Variants in CDYL2 observed in about 807,000 individuals in gnomAD.
CDYL2 encodes the protein chromodomain Y-like protein 2.
Under a neutral mutation model 49.4 loss-of-function variants are expected in CDYL2, and 23 were observed. That is an observed-to-expected ratio of 0.47 (90% CI 0.34 to 0.66). The LOEUF is 0.66. Ranked by LOEUF, CDYL2 falls within the 30% of genes least tolerant of loss-of-function variation. CDYL2 has a pLI of 0.01. For synonymous variants in CDYL2, 360 were observed against 268.8 expected (o/e 1.34, Z -3.32); for missense variants, 678 against 656.4 (o/e 1.03, Z -0.36).
At chr16:80,649,800 G>T (rs1408798380) in intron 2 of CDYL2, among the ~76,000 whole-genome samples, 1 of 152,090 alleles carries the variant, frequency 6.6e-6, no homozygotes, top group Admixed American at 6.6e-5. Context: ...AGAGAACCCA[G>T]AAACAAATCC....
intron 2 of CDYL2, among the ~76,000 whole-genome samples, chr16:80,645,082 G>A (rs1169848808): frequency 3.3e-5 from 5 of 152,090 alleles, no homozygotes; most frequent in Non-Finnish European, 5.9e-5. Flanking sequence ...GGCATGGACA[G>A]GGACTTCATG....
At chr16:80,757,118 T>C (rs1906337820) in intron 1 of CDYL2, among the ~76,000 whole-genome samples, 1 of 152,136 alleles carries the variant, frequency 6.6e-6, no homozygotes, top group Admixed American at 6.6e-5. Flanking sequence ...AGAGCTTCAA[T>C]TACCAGGACA....
In CDYL2 at chr16:80,706,555, C is replaced by T. The variant is rs189645372; in HGVS notation, c.25-21426G>A. Among the ~76,000 whole-genome samples the T allele has an allele frequency of 5.3e-5, 8 of 152,344 alleles. No individual in the cohort carries two copies. The East Asian group carries it at 1.3e-3, about 26-fold the overall frequency. On this transcript the variant is annotated intron_variant, in intron 1 of 6. Coordinates refer to ENST00000570137, the MANE Select transcript of CDYL2 (RefSeq NM_152342.4). The stretch of plus-strand genomic sequence containing the variant: ...GTTTGGAAGGAATTCATGACTGAGG[C>T]TGGCTTCTGGTAAACAATTATCACT...
chr16:80,759,150 A>ATATATATATATAT (rs1211358459), intron 1 of CDYL2, among the ~76,000 whole-genome samples: 5 of 80,836 alleles, frequency 6.2e-5, no homozygotes, highest in African/African-American at 2.5e-4. Flanking sequence ...GGTTTATATA[A>ATATATATATATAT]ATATATGGTT....
At chr16:80,773,324 A>AT (rs1185622093) in intron 1 of CDYL2, among the ~76,000 whole-genome samples, 6 of 152,198 alleles carry the variant, frequency 3.9e-5, no homozygotes, top group Non-Finnish European at 8.8e-5. Context: ...CTATACCAAA[A>AT]TACAAAATGT....
chr16:80,771,637 C>T (rs1356040534), intron 1 of CDYL2, among the ~76,000 whole-genome samples: 2 of 151,984 alleles, frequency 1.3e-5, no homozygotes, highest in Non-Finnish European at 2.9e-5. Context: ...CGCAGAAAAT[C>T]GCTTGAATCC....
chr16:80,678,857 C>G (rs1163785220), intron 2 of CDYL2, among the ~76,000 whole-genome samples: 1 of 151,116 alleles, frequency 6.6e-6, no homozygotes, highest in East Asian at 1.9e-4. Context: ...GACTTGGAAC[C>G]AGCCCAAATG....
intron 2 of CDYL2, among the ~76,000 whole-genome samples, chr16:80,674,789 G>A (rs1184599928): frequency 4.6e-5 from 7 of 152,190 alleles, no homozygotes; most frequent in South Asian, 2.1e-4. Flanking sequence ...AACATCCGTC[G>A]TCTGGGAAGA....
chr16:80,740,262 T>C (rs946557047), intron 1 of CDYL2, among the ~76,000 whole-genome samples: 1 of 152,208 alleles, frequency 6.6e-6, no homozygotes. Context: ...AAAACTTCCA[T>C]CATGTAGCCC....
rs1407459686 is a variant in CDYL2 at position 80,676,961 on chromosome 16, G to GTCTTT, written c.616+7576_616+7577insAAAGA. On this transcript the variant is annotated intron_variant, in intron 2 of 6. Transcript: ENST00000570137. ...AGGACTTTTTAACAACCAATTCAAT[G>GTCTTT]TATTTTTTTTTTTTTTTTTTTTTTT... Among the ~76,000 whole-genome samples, 44 of 110,558 alleles carry GTCTTT rather than the reference G, an allele frequency of 4.0e-4. 11 individuals carry two copies. Among genetic ancestry groups the GTCTTT allele is most frequent in the Non-Finnish European group, 2.6e-4 (14 of 53,546 alleles). 72.5% of individuals were successfully genotyped at this position (110,558 alleles called of 152,430 possible). A position where few individuals can be genotyped will look rare whatever the true frequency, so the allele number is the denominator to read the frequency against.
At chr16:80,690,622 C>T (rs547508367) in intron 1 of CDYL2, among the ~76,000 whole-genome samples, 21 of 152,182 alleles carry the variant, frequency 1.4e-4, no homozygotes, top group African/African-American at 5.1e-4. Context: ...TCTCGGCGAC[C>T]ACATTATATA....
At chr16:80,664,072 G>GTA (rs1909159730) in intron 2 of CDYL2, among the ~76,000 whole-genome samples, 1 of 152,028 alleles carries the variant, frequency 6.6e-6, no homozygotes, top group Non-Finnish European at 1.5e-5. Flanking sequence ...ATTCTGTAGG[G>GTA]TATCAAAGTA....
At chr16:80,743,744 TC>T (rs2142554814) in intron 1 of CDYL2, among the ~76,000 whole-genome samples, 1 of 152,300 alleles carries the variant, frequency 6.6e-6, no homozygotes, top group South Asian at 2.1e-4. Context: ...ATAATATATA[TC>T]AGTTCAAATT....
chr16:80,724,931 T>C (rs923586147), intron 1 of CDYL2, among the ~76,000 whole-genome samples: 2 of 152,230 alleles, frequency 1.3e-5, no homozygotes, highest in African/African-American at 4.8e-5. Context: ...TGTAAGATCG[T>C]GTCCTCAAAC....
intron 1 of CDYL2, among the ~76,000 whole-genome samples, chr16:80,784,642 G>C (rs928916158): frequency 5.9e-5 from 9 of 152,176 alleles, no homozygotes; most frequent in Non-Finnish European, 1.2e-4. Context: ...TAGTAGCCCA[G>C]AGCTTTCTGG....
At chr16:80,791,417 G>A (rs1364945260) in intron 1 of CDYL2, among the ~76,000 whole-genome samples, 1 of 152,146 alleles carries the variant, frequency 6.6e-6, no homozygotes, top group Non-Finnish European at 1.5e-5. Flanking sequence ...AAACAAGACA[G>A]ACAATCACTG....
intron 1 of CDYL2, among the ~76,000 whole-genome samples, chr16:80,728,528 A>G (rs1199560557): frequency 2.0e-5 from 3 of 152,242 alleles, no homozygotes; most frequent in African/African-American, 7.2e-5. Flanking sequence ...ACTCTGCAGG[A>G]TATCATCCAG....
At chr16:80,727,369 C>A (rs1250365429) in intron 1 of CDYL2, among the ~76,000 whole-genome samples, 1 of 152,212 alleles carries the variant, frequency 6.6e-6, no homozygotes, top group Non-Finnish European at 1.5e-5. Flanking sequence ...CACTCCCACC[C>A]GAATACTGCG....
intron 2 of CDYL2, among the ~76,000 whole-genome samples, chr16:80,640,038 G>C (rs1042676103): frequency 6.6e-6 from 1 of 152,122 alleles, no homozygotes; most frequent in South Asian, 2.1e-4. Context: ...AGGTGGTCTA[G>C]GCCACAAGGG....
Sources: gnomAD v4.1 joint callset for allele counts (sites outside exome capture counted in the v4.1 genomes callset) on GRCh38, gnomAD v4.1.1 for gene constraint, MANE v1.5 for transcripts, NCBI Gene and HGNC (gene_info 2026-07-23, HGNC 2026-07-21) for gene names.